Variants in STK3 observed in about 807,000 individuals in gnomAD.
STK3 encodes serine/threonine-protein kinase 3.
A neutral mutation model predicts 58.0 loss-of-function variants in STK3; 41 were observed. The ratio of observed to expected loss-of-function variants is 0.71; its 90% CI spans 0.55 to 0.92. STK3 has a LOEUF of 0.92. STK3 is among the 40% of genes least tolerant of loss of function. The probability of loss-of-function intolerance (pLI) is 0.00; values close to 1 mark genes in which losing one functional copy is unlikely to be tolerated. For synonymous variants in STK3, 170 were observed against 191.0 expected (o/e 0.89, Z 0.91); for missense variants, 479 against 602.7 (o/e 0.79, Z 2.15).
chr8:98,404,573 G>A (rs113266182), intron 3 of STK3, among the ~76,000 whole-genome samples: 6 of 151,840 alleles, frequency 4.0e-5, no homozygotes, highest in Admixed American at 2.6e-4. Flanking sequence ...CCAGCTACTC[G>A]GGAGGCTGAG....
chr8:98,711,218 A>G (rs1378627226), intron 4 of STK3, among the ~76,000 whole-genome samples: 1 of 152,190 alleles, frequency 6.6e-6, no homozygotes, highest in East Asian at 1.9e-4. Flanking sequence ...AACTCTAAAA[A>G]TAAGAGTGCC....
intron 3 of STK3, among the ~76,000 whole-genome samples, chr8:98,759,979 A>G (rs907155792): frequency 1.3e-5 from 2 of 152,114 alleles, no homozygotes; most frequent in South Asian, 2.1e-4. Context: ...CACCTAATAC[A>G]ATGTAAATGC....
At chr8:98,529,890 G>C (rs995871597) in intron 9 of STK3, among the ~76,000 whole-genome samples, 1 of 152,082 alleles carries the variant, frequency 6.6e-6, no homozygotes. Flanking sequence ...ATGGGGAGTC[G>C]GCGTTTAACA....
At chr8:98,562,371 A>T (rs1354533040) in intron 8 of STK3, among the ~76,000 whole-genome samples, 1 of 152,102 alleles carries the variant, frequency 6.6e-6, no homozygotes, top group Non-Finnish European at 1.5e-5. Context: ...AAAACCATGG[A>T]TGACTGTTAC....
chr8:98,759,947 A>G (rs570512495), intron 3 of STK3, among the ~76,000 whole-genome samples: 2 of 152,284 alleles, frequency 1.3e-5, no homozygotes, highest in African/African-American at 4.8e-5. Flanking sequence ...TATACTTTAA[A>G]TCATGTCTAG....
At chr8:98,475,043 T>A (rs574649586) in intron 10 of STK3, among the ~76,000 whole-genome samples, 2 of 152,316 alleles carry the variant, frequency 1.3e-5, no homozygotes, top group Middle Eastern at 3.4e-3. Flanking sequence ...CACGGTGACA[T>A]ACACATATTC....
chr8:98,689,377 A>G (rs1184473446), intron 6 of STK3, among the ~76,000 whole-genome samples: 1 of 152,190 alleles, frequency 6.6e-6, no homozygotes, highest in Non-Finnish European at 1.5e-5. Flanking sequence ...AACTCATTCC[A>G]CAAAACCAGT....
intron 1 of STK3, among the ~76,000 whole-genome samples, chr8:98,810,584 C>A (rs1834156257): frequency 1.6e-5 from 1 of 61,854 alleles, no homozygotes; most frequent in South Asian, 7.2e-4. Context: ...TTGGAGAAAT[C>A]TCTAAGTTCC....
chr8:98,477,652 T>G (rs533303575), intron 10 of STK3, among the ~76,000 whole-genome samples: 1 of 131,384 alleles, frequency 7.6e-6, no homozygotes, highest in East Asian at 2.3e-4. Context: ...AAGCTGAAAT[T>G]CTGTGGTATA....
chr8:98,657,772 TA>T (rs1479104195), intron 6 of STK3, among the ~76,000 whole-genome samples: 11 of 152,034 alleles, frequency 7.2e-5, no homozygotes, highest in Admixed American at 1.3e-4. Flanking sequence ...TTTCTAAAAC[TA>T]AATGCTAGAA....
rs1187882768 is a variant in STK3 at position 98,696,543 on chromosome 8, T to C, written c.684+9924A>G. On this transcript the variant is annotated intron_variant, in intron 6 of 10. Transcript: ENST00000419617. ...TGAGATACGTCCCATCAATACCTAA[T>C]TTATGGAGAGTTTTTAGCATGAAGC... Among the ~76,000 whole-genome samples, 4 of 152,170 alleles carry C rather than the reference T, an allele frequency of 2.6e-5. No homozygotes were observed. The East Asian group carries it at 5.8e-4, about 22-fold the overall frequency.
At chr8:98,908,794 G>A (rs957370043) in intron 1 of STK3, among the ~76,000 whole-genome samples, 2 of 135,396 alleles carry the variant, frequency 1.5e-5, no homozygotes, top group Non-Finnish European at 3.1e-5. Context: ...AGTGAGCCGA[G>A]ATAACACCAT....
intron 2 of STK3, among the ~76,000 whole-genome samples, chr8:98,773,643 A>G (rs917151821): frequency 2.0e-5 from 3 of 152,218 alleles, no homozygotes. Context: ...TTTTACTTGC[A>G]TCTCCTATAA....
At chr8:98,438,894 C>G (rs1372968035) in intron 1 of STK3, 1 of 152,376 alleles carries the variant, frequency 6.6e-6, no homozygotes, top group East Asian at 1.9e-4. Flanking sequence ...GTCTGTGCAT[C>G]TGTGTGTGTC....
At chr8:98,532,965 T>A (rs1245491387) in intron 9 of STK3, among the ~76,000 whole-genome samples, 2 of 152,208 alleles carry the variant, frequency 1.3e-5, no homozygotes, top group African/African-American at 2.4e-5. Flanking sequence ...TTGTTTTTTT[T>A]ATGACTGGCT....
At chr8:98,780,620 A>C (rs962789285) in intron 1 of STK3, among the ~76,000 whole-genome samples, 2 of 151,980 alleles carry the variant, frequency 1.3e-5, no homozygotes, top group African/African-American at 4.8e-5. Flanking sequence ...TTTGCAAATG[A>C]GTGGATGGTA....
intron 10 of STK3, among the ~76,000 whole-genome samples, chr8:98,471,080 T>C (rs1820882653): frequency 6.6e-6 from 1 of 151,956 alleles, no homozygotes; most frequent in African/African-American, 2.4e-5. Context: ...AGTTTATAGG[T>C]TTGTAGAGGA....
At chr8:98,905,929 G>A (rs898531813) in intron 1 of STK3, among the ~76,000 whole-genome samples, 7 of 152,204 alleles carry the variant, frequency 4.6e-5, no homozygotes, top group African/African-American at 1.7e-4. Context: ...GAAACAGCCA[G>A]ATTGGTTACA....
chr8:98,429,729 C>T, intron 3 of STK3: 1 of 308,104 alleles, frequency 3.2e-6, no homozygotes. Context: ...GTACGCTATT[C>T]TAGTGCTTGT....
Sources: gnomAD v4.1 joint callset for allele counts (sites outside exome capture counted in the v4.1 genomes callset) on GRCh38, gnomAD v4.1.1 for gene constraint, MANE v1.5 for transcripts, NCBI Gene and HGNC (gene_info 2026-07-23, HGNC 2026-07-21) for gene names.